OTUD7A: variants seen among roughly 807,000 people sequenced by gnomAD.
The protein encoded by OTUD7A is OTU deubiquitinase 7A.
OTUD7A carries 12 observed loss-of-function variants against 65.7 expected under a neutral mutation model. The observed-to-expected ratio is 0.18, with a 90% CI of 0.12 to 0.30. The LOEUF is 0.30. OTUD7A is among the 10% of genes least tolerant of loss of function. The pLI is 1.00. For synonymous variants in OTUD7A, 641 were observed against 586.3 expected (o/e 1.09, Z -1.35); for missense variants, 1,148 against 1,304.8 (o/e 0.88, Z 1.85).
chr15:31,611,699 G>A (rs932565390), intron 3 of OTUD7A, among the ~76,000 whole-genome samples: 15 of 152,048 alleles, frequency 9.9e-5, no homozygotes, highest in Admixed American at 8.5e-4. Flanking sequence ...AGGACCAGAC[G>A]GATTCACAGC....
At chr15:31,814,770 C>T (rs1041025475) in intron 1 of OTUD7A, among the ~76,000 whole-genome samples, 2 of 152,104 alleles carry the variant, frequency 1.3e-5, no homozygotes, top group Non-Finnish European at 2.9e-5. Flanking sequence ...GTGATATATC[C>T]GCCTAAGCCT....
At chr15:31,839,852 A>T (rs796895737) in intron 1 of OTUD7A, among the ~76,000 whole-genome samples, 8 of 152,294 alleles carry the variant, frequency 5.3e-5, no homozygotes, top group African/African-American at 1.9e-4. Context: ...ACAACATTAA[A>T]CATCTTGTAA....
chr15:31,485,410 G>A (rs555630972), intron 12 of OTUD7A, among the ~76,000 whole-genome samples: 18 of 152,344 alleles, frequency 1.2e-4, no homozygotes, highest in Admixed American at 2.0e-4. Context: ...CTAAATTGAG[G>A]AGGATTCTGA....
At chr15:31,702,302 G>A (rs1259625541) in intron 1 of OTUD7A, among the ~76,000 whole-genome samples, 1 of 119,848 alleles carries the variant, frequency 8.3e-6, no homozygotes, top group Non-Finnish European at 1.7e-5. Context: ...GAAATGAATG[G>A]CATGTATATT....
chr15:31,802,135 G>GTATATATATATATATA (rs1434073127), intron 1 of OTUD7A, among the ~76,000 whole-genome samples: 2 of 123,904 alleles, frequency 1.6e-5, no homozygotes, highest in African/African-American at 6.1e-5. Context: ...GTGTGTGTGT[G>GTATATATATATATATA]TGTGTGTATA....
chr15:31,776,402 T>A (rs573878014), intron 1 of OTUD7A, among the ~76,000 whole-genome samples: 1 of 152,138 alleles, frequency 6.6e-6, no homozygotes, highest in African/African-American at 2.4e-5. Flanking sequence ...CCAGAATCTG[T>A]GGGGAGAGTG....
chr15:31,766,825 T>C (rs1895104938), intron 1 of OTUD7A: 3 of 1,612,690 alleles, frequency 1.9e-6, no homozygotes, highest in Non-Finnish European at 2.5e-6. Flanking sequence ...AAACAGTTTA[T>C]TATTTTGTCC....
chr15:31,660,778 G>T (rs1892139357), intron 1 of OTUD7A, among the ~76,000 whole-genome samples: 1 of 152,206 alleles, frequency 6.6e-6, no homozygotes, highest in African/African-American at 2.4e-5. Context: ...GGGGCACATT[G>T]AAGTTCTTCG....
Position 31,540,082 on chromosome 15 carries a change from G to A in OTUD7A, c.551-9274C>T, listed in dbSNP as rs529853249. Among the ~76,000 whole-genome samples, 10 of 152,220 alleles carry A rather than the reference G, an allele frequency of 6.6e-5. No individual in the cohort carries two copies. In the South Asian group the frequency reaches 8.3e-4, roughly 13 times the overall value. On this transcript the variant is annotated intron_variant, in intron 5 of 12. Transcript: ENST00000307050. ...AATGCTAGTTTGACTAAATTTTTCCGCTGTTTCAATAGATTGAGTTGAAAT... is the reference window on the plus strand; with the variant it reads ...AATGCTAGTTTGACTAAATTTTTCCACTGTTTCAATAGATTGAGTTGAAAT...
At chr15:31,516,469 T>C (rs1437363782) in intron 8 of OTUD7A, among the ~76,000 whole-genome samples, 1 of 152,174 alleles carries the variant, frequency 6.6e-6, no homozygotes, top group Non-Finnish European at 1.5e-5. Context: ...TACTTGCTTC[T>C]GGCTCCTTGT....
chr15:31,502,030 CCTG>C (rs2041477143), intron 9 of OTUD7A, among the ~76,000 whole-genome samples, 191 bp from the exon 10 acceptor site: 1 of 152,120 alleles, frequency 6.6e-6, no homozygotes, highest in African/African-American at 2.4e-5. Flanking sequence ...CCCCAGGACT[CCTG>C]CTGCCCTGAG....
chr15:31,688,687 G>A (rs2654105), intron 1 of OTUD7A, among the ~76,000 whole-genome samples: 1 of 152,212 alleles, frequency 6.6e-6, no homozygotes, highest in African/African-American at 2.4e-5. Context: ...GATGATGCCA[G>A]AGTGTCTCAT....
intron 1 of OTUD7A, among the ~76,000 whole-genome samples, chr15:31,792,826 T>G (rs1055980422): frequency 1.4e-4 from 21 of 152,136 alleles, no homozygotes; most frequent in Admixed American, 7.2e-4. Context: ...AAGGGCTGGG[T>G]TGAGGGGCTG....
intron 1 of OTUD7A, among the ~76,000 whole-genome samples, chr15:31,827,278 G>A (rs1323271498): frequency 1.3e-5 from 2 of 152,248 alleles, no homozygotes; most frequent in African/African-American, 2.4e-5. Flanking sequence ...GCAGGGAGGA[G>A]CAAGTCTGGT....
chr15:31,484,589 TGTCCTTGCC>T lies in OTUD7A; in HGVS notation c.1498_1506del (p.Gly500_Asp502del). Reference sequence around the variant, plus strand: ...TCCTTGCGCTGCTTCTCCTTCTCCTTGTCCTTGCCGTTCTTGCCGTTATTGCTGTTAGAA... The same window carrying T: ...TCCTTGCGCTGCTTCTCCTTCTCCTTGTTCTTGCCGTTATTGCTGTTAGAA... On this transcript the variant is annotated inframe_deletion, in exon 13 of 13. Transcript: ENST00000307050. This position sits in a 1 kb window ranked among gnomAD's most constrained non-coding sequence, Gnocchi z 4.5. The T allele has an allele frequency of 6.2e-7, 1 of 1,609,856 alleles. No individual in the cohort carries two copies. The highest frequency in any genetic ancestry group is 8.5e-7 in the Non-Finnish European group (1 of 1,178,956).
At chr15:31,734,904 T>A (rs1894144339) in intron 1 of OTUD7A, among the ~76,000 whole-genome samples, 1 of 151,668 alleles carries the variant, frequency 6.6e-6, no homozygotes, top group Non-Finnish European at 1.5e-5. Flanking sequence ...AATTGACAAA[T>A]GGGATCTAAT....
At chr15:31,724,598 T>C (rs1893832788) in intron 1 of OTUD7A, among the ~76,000 whole-genome samples, 1 of 152,102 alleles carries the variant, frequency 6.6e-6, no homozygotes. Context: ...GGAACTGGGA[T>C]TGTTTCTGCT....
chr15:31,658,800 C>G (rs990656250), intron 1 of OTUD7A, among the ~76,000 whole-genome samples: 4 of 150,618 alleles, frequency 2.7e-5, no homozygotes, highest in African/African-American at 7.3e-5. Context: ...GGCCGAGGCT[C>G]GTAGATCACC....
chr15:31,614,425 ATAATAAAAC>A (rs781592434), intron 3 of OTUD7A, among the ~76,000 whole-genome samples: 7 of 152,230 alleles, frequency 4.6e-5, no homozygotes, highest in South Asian at 4.1e-4. Flanking sequence ...TCTGCATGTT[ATAATAAAAC>A]TGCTGAAAAC....
Sources: allele counts gnomAD v4.1 joint callset (sites outside exome capture counted in the v4.1 genomes callset), GRCh38; gene constraint gnomAD v4.1.1; non-coding constraint Gnocchi (gnomAD v3.1); transcripts MANE v1.5; gene names NCBI Gene and HGNC (gene_info 2026-07-23, HGNC 2026-07-21).